CD5: variants seen among roughly 807,000 people sequenced by gnomAD.
CD5 encodes CD5 molecule, also known as T-cell surface glycoprotein CD5.
Under a neutral mutation model 60.3 loss-of-function variants are expected in CD5, and 36 were observed. The ratio of observed to expected loss-of-function variants is 0.60; its 90% confidence interval spans 0.46 to 0.79. The LOEUF is 0.79. Ranked by LOEUF, CD5 falls within the 30% of genes least tolerant of loss-of-function variation. CD5 has a pLI of 0.00. For synonymous variants in CD5, 230 were observed against 257.6 expected (o/e 0.89, Z 1.03); for missense variants, 540 against 630.6 (o/e 0.86, Z 1.54).
rs1336301868 is a variant in CD5 at position 61,116,584 on chromosome 11, C to T, written c.94+1490C>T. On this transcript the variant is annotated intron_variant, in intron 2 of 10. Transcript: ENST00000347785. The stretch of plus-strand genomic sequence containing the variant: ...CACCACACACACACCACACACACCA[C>T]ATGCACACTACACACCACACACCAC... Among the ~76,000 whole-genome samples, 4 of 54,146 alleles carry T rather than the reference C, an allele frequency of 7.4e-5. No individual in the cohort carries two copies. In the East Asian group the frequency reaches 2.4e-3, roughly 32 times the overall value. The allele number at this position is 54,146 out of a possible 152,430, so 35.5% of individuals were successfully genotyped here.
At chr11:61,094,634 T>A in the CD5 span, among the ~76,000 whole-genome samples, 1 of 151,928 alleles carries the variant, frequency 6.6e-6, no homozygotes, top group Non-Finnish European at 1.5e-5. Flanking sequence ...TGGCGTAAAC[T>A]GTAAAAGTGT....
In CD5 at chr11:61,118,212, C is replaced by T; in HGVS notation, c.132C>T (p.Cys44=). 1 of 1,614,174 alleles carries T rather than the reference C, an allele frequency of 6.2e-7. No homozygotes were observed. The highest frequency in any genetic ancestry group is 1.3e-5 in the African/African-American group (1 of 75,066). The change falls in exon 3 of 11, where the codon TGC becomes TGT. Residue 44 remains cysteine (C), a synonymous_variant. Coordinates refer to ENST00000347785, the MANE Select transcript of CD5 (RefSeq NM_014207.4). The surrounding 1 kb of genome is among the most constrained non-coding windows in gnomAD (Gnocchi z 4.7). ...QARLTRSNSK[C]QGQLEVYLKD... is the part of the protein sequence containing the mutation. Reference sequence around the variant, plus strand: ...GGCTCACCCGTTCCAACTCGAAGTGCCAGGGCCAGCTGGAGGTCTACCTCA... The same window carrying T: ...GGCTCACCCGTTCCAACTCGAAGTGTCAGGGCCAGCTGGAGGTCTACCTCA...
intron 2 of CD5, 37 bp downstream of exon 2, chr11:61,115,131 G>T: frequency 6.5e-7 from 1 of 1,537,840 alleles, no homozygotes; most frequent in South Asian, 1.2e-5. Flanking sequence ...CCTGGGGCAG[G>T]GGGAGAGTGG....
chr11:61,120,198 C>G (rs1861036788), intron 5 of CD5, among the ~76,000 whole-genome samples: 1 of 152,006 alleles, frequency 6.6e-6, no homozygotes, highest in Non-Finnish European at 1.5e-5. Flanking sequence ...GTGGGCCAAA[C>G]CAGGATCAAT....
At chr11:61,119,029 C>A in intron 4 of CD5, 52 bp downstream of exon 4, 4 of 1,428,814 alleles carry the variant, frequency 2.8e-6, no homozygotes, top group South Asian at 1.2e-5. Flanking sequence ...AAATAAAAAC[C>A]CAGGATGCCC....
At chr11:61,108,386 C>T (rs1483500720) in intron 1 of CD5, among the ~76,000 whole-genome samples, 3 of 152,330 alleles carry the variant, frequency 2.0e-5, no homozygotes, top group East Asian at 1.9e-4. Flanking sequence ...TTCCTTCCTG[C>T]GGGCTCCATT....
intron 2 of CD5, among the ~76,000 whole-genome samples, chr11:61,116,719 CT>C (rs546051414): frequency 2.5e-3 from 123 of 50,140 alleles, no homozygotes; most frequent in African/African-American, 7.3e-3. Context: ...CACATGCACA[CT>C]ATACACACCA....
In CD5 at chr11:61,122,951, A is replaced by G. The variant is rs1371401606; in HGVS notation, c.1144A>G (p.Ser382Gly). 6.2e-7 allele frequency: 1 copy of G among 1,614,102 alleles called. No individual in the cohort carries two copies. Among genetic ancestry groups the G allele is most frequent in the Non-Finnish European group, 8.5e-7 (1 of 1,179,940 alleles). ...PAGLAAGTVA[S>G]IILALVLLVV... ...AGGCCTGGCCGCAGGCACGGTGGCAAGCATCATCCTGGCCCTGGTGCTCCT... is the reference window on the plus strand; with the variant it reads ...AGGCCTGGCCGCAGGCACGGTGGCAGGCATCATCCTGGCCCTGGTGCTCCT... The change falls in exon 7 of 11, where the codon AGC (serine) becomes GGC (glycine). Residue 382 changes from serine (S) to glycine (G), a missense_variant. By Grantham distance (56) the Ser-to-Gly change is moderately conservative. Coordinates refer to ENST00000347785, the MANE Select transcript of CD5 (RefSeq NM_014207.4).
chr11:61,122,880 C>G, intron 6 of CD5, 27 bp from the exon 7 acceptor site: 1 of 1,597,838 alleles, frequency 6.3e-7, no homozygotes, highest in Non-Finnish European at 8.6e-7. Context: ...AGGACTGGGA[C>G]TGACCTAACT....
Position 61,118,463 on chromosome 11 carries a change from T to G in CD5, c.383T>G (p.Leu128Arg). The G allele has an allele frequency of 6.2e-7, 1 of 1,614,166 alleles. No individual in the cohort carries two copies. The highest frequency in any genetic ancestry group is 8.5e-7 in the Non-Finnish European group (1 of 1,179,994). Residue 128 changes from leucine (L) to arginine (R), a missense_variant, in exon 3 of 11, where the codon CTG (leucine) becomes CGG (arginine). Transcript: ENST00000347785. This position sits in a 1 kb window ranked among gnomAD's most constrained non-coding sequence, Gnocchi z 4.7. ...AGCAGAAATGACATGTGTCACTCTC[T>G]GGGCCTGACCTGCTTAGGTGGGTAA... is the stretch of plus-strand genomic sequence containing the variant. ...SHSRNDMCHS[L>R]GLTCLEPQKT... is the part of the protein sequence containing the mutation.
In CD5 at chr11:61,118,069, C is replaced by T. The variant is rs1343537426; in HGVS notation, c.95-106C>T. 2.3e-5 allele frequency: 27 copies of T among 1,199,926 alleles called. No homozygotes were observed. Among genetic ancestry groups the T allele is most frequent in the Non-Finnish European group, 2.8e-5 (24 of 845,772 alleles). 74.3% of individuals were successfully genotyped at this position (1,199,926 alleles called of 1,614,324 possible). On this transcript the variant is annotated intron_variant, in intron 2 of 10. Coordinates refer to ENST00000347785, the MANE Select transcript of CD5 (RefSeq NM_014207.4). The surrounding 1 kb of genome is among the most constrained non-coding windows in gnomAD (Gnocchi z 4.7). The stretch of plus-strand genomic sequence containing the variant: ...CACAAGGGGCAAGGCAGGCAGCCCA[C>T]GGGGCAGGAGGGAGCTCAACTGGGC...
In CD5 at chr11:61,118,571, G is replaced by A; in HGVS notation, c.400+91G>A. The stretch of plus-strand genomic sequence containing the variant: ...GGCCTGTGATCTAGGGTCTGAGCAG[G>A]CTGGTGGAAGGGGTGGGGGGACCCC... On this transcript the variant is annotated intron_variant, in intron 3 of 10. Coordinates refer to ENST00000347785, the MANE Select transcript of CD5 (RefSeq NM_014207.4). The surrounding 1 kb of genome is among the most constrained non-coding windows in gnomAD (Gnocchi z 4.7). 6 of 1,342,784 alleles carry A rather than the reference G, an allele frequency of 4.5e-6. No homozygotes were observed. The highest frequency in any genetic ancestry group is 5.2e-6 in the Non-Finnish European group (5 of 970,100). The allele number at this position is 1,342,784 out of a possible 1,614,324, so 83.2% of individuals were successfully genotyped here.
intron 5 of CD5, among the ~76,000 whole-genome samples, 169 bp downstream of exon 5, chr11:61,119,744 G>A (rs1861028182): frequency 1.3e-5 from 2 of 152,210 alleles, no homozygotes; most frequent in African/African-American, 4.8e-5. Flanking sequence ...TTGGGGTGGG[G>A]AGGATGCATC....
upstream of CD5, among the ~76,000 whole-genome samples, chr11:61,097,781 T>G (rs563217633): frequency 1.2e-4 from 18 of 152,250 alleles, no homozygotes; most frequent in African/African-American, 3.9e-4. Context: ...ATGGGCCTGT[T>G]ACTTGGGCAC....
rs140393887 is a variant in CD5, at chr11:61,122,863, TC to T, written c.1100-38del. 1,440 of 1,545,796 alleles carry T rather than the reference TC, an allele frequency of 9.3e-4. 16 individuals are homozygous for T. The African/African-American group carries it at 0.018, about 19-fold the overall frequency. On this transcript the variant is annotated intron_variant, in intron 6 of 10. Coordinates refer to ENST00000347785, the MANE Select transcript of CD5 (RefSeq NM_014207.4). ...AGCAGCTTCCCTCCCACAGTTTTTC[TC>T]CCCCCAGGACTGGGACTGACCTAAC...
upstream of CD5, among the ~76,000 whole-genome samples, chr11:61,099,339 C>T (rs1363003673): frequency 6.6e-6 from 1 of 151,658 alleles, no homozygotes; most frequent in Non-Finnish European, 1.5e-5. Context: ...ACACAGAGAT[C>T]ACACAAGTCA....
Position 61,119,371 on chromosome 11 carries a change from T to C in CD5, c.601T>C (p.Cys201Arg). 1 of 1,614,186 alleles carries C rather than the reference T, an allele frequency of 6.2e-7. No homozygotes were observed. The highest frequency in any genetic ancestry group is 8.5e-7 in the Non-Finnish European group (1 of 1,180,022). ...DKTQDLENFL[C>R]NNLQCGSFLK... ...GACCCAGGACCTGGAGAACTTCCTC[T>C]GCAACAACCTCCAGTGTGGCTCCTT... Residue 201 changes from cysteine to arginine, a missense_variant, in exon 5 of 11, where the codon TGC becomes CGC. Physicochemically the swap from Cys to Arg is radical, Grantham distance 180. Coordinates refer to ENST00000347785, the MANE Select transcript of CD5 (RefSeq NM_014207.4).
chr11:61,107,093 GAGAC>G (rs1860787496), intron 1 of CD5, among the ~76,000 whole-genome samples: 1 of 152,210 alleles, frequency 6.6e-6, no homozygotes, highest in Admixed American at 6.5e-5. Flanking sequence ...GAGAGGTGTG[GAGAC>G]AGACAGATAG....
the CD5 span, among the ~76,000 whole-genome samples, chr11:61,094,628 G>A: frequency 0.013 from 2,038 of 152,114 alleles, 54 homozygotes; most frequent in African/African-American, 0.047. Context: ...CTGGCTTGGC[G>A]TAAACTGTAA....
Sources: allele counts gnomAD v4.1 joint callset (sites outside exome capture counted in the v4.1 genomes callset), GRCh38; gene constraint gnomAD v4.1.1; non-coding constraint Gnocchi (gnomAD v3.1); transcripts MANE v1.5; gene names NCBI Gene and HGNC (gene_info 2026-07-23, HGNC 2026-07-21).